The following CDC42BPB variants were observed in gnomAD, a reference collection of about 807,000 sequenced individuals.
CDC42BPB encodes the protein serine/threonine-protein kinase MRCK beta.
CDC42BPB carries 37 observed loss-of-function variants against 214.9 expected under a neutral mutation model. The ratio of observed to expected loss-of-function variants is 0.17; its 90% CI spans 0.13 to 0.23. The LOEUF (loss-of-function observed/expected upper bound fraction) is 0.23, where lower values mean the gene tolerates loss of function less well. Ranked by LOEUF, CDC42BPB falls within the 10% of genes least tolerant of loss-of-function variation. The probability of loss-of-function intolerance (pLI) is 1.00; values close to 1 mark genes in which losing one functional copy is unlikely to be tolerated. For synonymous variants in CDC42BPB, 931 were observed against 884.0 expected (o/e 1.05, Z -0.94); for missense variants, 1,694 against 2,227.0 (o/e 0.76, Z 4.82).
chr14:103,041,745 T>G lies in CDC42BPB; in HGVS notation c.175+15254A>C, dbSNP rs964076956. 81 of 528,982 alleles carry G rather than the reference T, an allele frequency of 1.5e-4. No individual in the cohort carries two copies. The African/African-American group carries it at 1.6e-3, about 10-fold the overall frequency. 32.8% of individuals were successfully genotyped at this position (528,982 alleles called of 1,614,324 possible). On this transcript the variant is annotated intron_variant, in intron 1 of 36. Transcript: ENST00000361246. ...TTCACAAGAAGGTGGCCCAGACCATTAGCATCTCTGTGGATCCAAGGAGGC... is the reference window on the plus strand; with the variant it reads ...TTCACAAGAAGGTGGCCCAGACCATGAGCATCTCTGTGGATCCAAGGAGGC...
chr14:103,031,412 C>A (rs190533548), intron 1 of CDC42BPB, among the ~76,000 whole-genome samples: 32 of 152,278 alleles, frequency 2.1e-4, no homozygotes, highest in Non-Finnish European at 4.0e-4. Flanking sequence ...ATCAATAAAA[C>A]TTTACGGCAA....
rs35992554 is a variant in CDC42BPB at position 103,029,551 on chromosome 14, A to G, written c.176-17363T>C. On this transcript the variant is annotated intron_variant, in intron 1 of 36. Transcript: ENST00000361246. ...GAGCAAGACTCTGTCTCAAAGGAAAAAAAAAAAAAAGAAATGCTAGATTGG... is the reference window on the plus strand; with the variant it reads ...GAGCAAGACTCTGTCTCAAAGGAAAGAAAAAAAAAAGAAATGCTAGATTGG... Among the ~76,000 whole-genome samples, 1,082 of 149,784 alleles carry G rather than the reference A, an allele frequency of 7.2e-3. 17 individuals are homozygous for G. The highest frequency in any genetic ancestry group is 0.025 in the African/African-American group (1,032 of 40,642).
intron 2 of CDC42BPB, among the ~76,000 whole-genome samples, chr14:103,009,320 C>T (rs1481127416): frequency 2.0e-5 from 3 of 152,338 alleles, no homozygotes; most frequent in South Asian, 4.1e-4. Context: ...ATTCACCAGG[C>T]ACATTCTGCG....
intron 36 of CDC42BPB, 63 bp downstream of exon 36, chr14:102,938,041 G>A (rs1566837562): frequency 9.0e-6 from 14 of 1,552,056 alleles, no homozygotes; most frequent in South Asian, 3.3e-5. Context: ...CCAGATCTTC[G>A]GGCTGCTTTT....
chr14:102,976,668 G>A (rs1399161513), intron 9 of CDC42BPB, among the ~76,000 whole-genome samples: 1 of 152,212 alleles, frequency 6.6e-6, no homozygotes, highest in Non-Finnish European at 1.5e-5. Flanking sequence ...TGACAATGAA[G>A]TCAGGGAAAT....
At chr14:103,002,031 GCAGT>G (rs1218755335) in intron 4 of CDC42BPB, among the ~76,000 whole-genome samples, 1 of 152,206 alleles carries the variant, frequency 6.6e-6, no homozygotes, top group Non-Finnish European at 1.5e-5. Flanking sequence ...GTTTTAGTTA[GCAGT>G]CAAACAGGTT....
At position 103,027,135 on chromosome 14, in the gene CDC42BPB, A is replaced by G. The variant is rs34471991; in HGVS notation, c.176-14947T>C. 4.6e-4 allele frequency among the ~76,000 whole-genome samples: 70 copies of G among 152,362 alleles called. 1 individual carries two copies. The East Asian group carries it at 0.01, about 22-fold the overall frequency. On this transcript the variant is annotated intron_variant, in intron 1 of 36. Coordinates refer to ENST00000361246, the MANE Select transcript of CDC42BPB (RefSeq NM_006035.4). ...GGAAATGCAAATCAAAACTGTAACC[A>G]GACCTCACTTCACACCCACTAGGGT...
chr14:102,976,363 T>G lies in CDC42BPB; in HGVS notation c.1221-314A>C, dbSNP rs150311860. 3 of 291,766 alleles carry G rather than the reference T, an allele frequency of 1.0e-5. No homozygotes were observed. The Admixed American group carries it at 1.9e-4, about 19-fold the overall frequency. 18.1% of individuals were successfully genotyped at this position (291,766 alleles called of 1,614,324 possible). On this transcript the variant is annotated intron_variant, in intron 9 of 36. Transcript: ENST00000361246. ...GCATGGATCCTGCGTAAAGCAAGGCTTAGGGGGCAGCCCCAGCTCGTCTGC... is the reference window on the plus strand; with the variant it reads ...GCATGGATCCTGCGTAAAGCAAGGCGTAGGGGGCAGCCCCAGCTCGTCTGC...
At chr14:102,975,451 A>C (rs890835250) in intron 11 of CDC42BPB, among the ~76,000 whole-genome samples, 4 of 152,184 alleles carry the variant, frequency 2.6e-5, no homozygotes, top group African/African-American at 9.6e-5. Context: ...TGAACCCAGG[A>C]GGTGGAGGTT....
At chr14:102,982,970 G>A (rs1372154210) in intron 7 of CDC42BPB, among the ~76,000 whole-genome samples, 3 of 152,082 alleles carry the variant, frequency 2.0e-5, no homozygotes, top group Non-Finnish European at 4.4e-5. Context: ...AAACAAAGGA[G>A]GTGGAGAGAG....
chr14:102,980,728 C>A, intron 8 of CDC42BPB, 45 bp downstream of exon 8: 1 of 1,598,014 alleles, frequency 6.3e-7, no homozygotes, highest in South Asian at 1.1e-5. Flanking sequence ...CACTGCATGT[C>A]AGACCCACAG....
intron 8 of CDC42BPB, among the ~76,000 whole-genome samples, chr14:102,979,216 G>GTT (rs749681734): frequency 1.6e-4 from 22 of 138,330 alleles, no homozygotes; most frequent in East Asian, 2.1e-4. Context: ...AACTTTTCTT[G>GTT]TTTTTTTTTT....
intron 17 of CDC42BPB, 107 bp from the exon 18 acceptor site, chr14:102,966,494 A>G: frequency 6.6e-7 from 1 of 1,518,670 alleles, no homozygotes; most frequent in Non-Finnish European, 8.9e-7. Flanking sequence ...ACACAGTGTC[A>G]CGTCAGCTAG....
At chr14:102,974,452 A>C (rs1893644934) in intron 11 of CDC42BPB, 1 of 770,706 alleles carries the variant, frequency 1.3e-6, no homozygotes, top group Non-Finnish European at 1.6e-6. Context: ...CAGTCCCTCT[A>C]ACCTGTGTCA....
chr14:103,008,283 C>T (rs1441827817), intron 3 of CDC42BPB, among the ~76,000 whole-genome samples, 189 bp downstream of exon 3: 3 of 152,188 alleles, frequency 2.0e-5, no homozygotes, highest in East Asian at 1.9e-4. Flanking sequence ...AGCAAGTGGT[C>T]GCTGAGGCGG....
chr14:103,010,083 C>G (rs147209148), intron 2 of CDC42BPB, among the ~76,000 whole-genome samples: 1 of 152,142 alleles, frequency 6.6e-6, no homozygotes, highest in African/African-American at 2.4e-5. Flanking sequence ...CCCAGGAGTT[C>G]AAGATCAGTC....
Position 102,946,543 on chromosome 14 carries a change from C to G in CDC42BPB, c.3673G>C (p.Val1225Leu). ...TAGGCTTCCAAGGGAACATGCACGACCTGATTCCTCAGCCGGTTTTTATGA... is the reference window on the plus strand; with the variant it reads ...TAGGCTTCCAAGGGAACATGCACGAGCTGATTCCTCAGCCGGTTTTTATGA... ...ILHKNRLRNQVVHVPLEAYDS... is the reference protein window; with the variant it reads ...ILHKNRLRNQLVHVPLEAYDS... Residue 1225 changes from valine (V) to leucine (L), a missense_variant, in exon 28 of 37, where the codon GTC becomes CTC. By Grantham distance (32) the Val-to-Leu change is conservative. Coordinates refer to ENST00000361246, the MANE Select transcript of CDC42BPB (RefSeq NM_006035.4). 6.2e-7 allele frequency: 1 copy of G among 1,612,824 alleles called. No individual in the cohort carries two copies. The highest frequency in any genetic ancestry group is 8.5e-7 in the Non-Finnish European group (1 of 1,179,986).
chr14:102,954,889 C>A, intron 21 of CDC42BPB: 1 of 831,574 alleles, frequency 1.2e-6, no homozygotes, highest in Non-Finnish European at 1.5e-6. Flanking sequence ...GCCCTGAGGA[C>A]CCCTGCACTT....
chr14:103,048,129 G>C (rs548474092), intron 1 of CDC42BPB, among the ~76,000 whole-genome samples: 1 of 152,304 alleles, frequency 6.6e-6, no homozygotes, highest in South Asian at 2.1e-4. Context: ...GGCCCAGGCT[G>C]AAACAGAAAA....
Sources: allele counts gnomAD v4.1 joint callset (sites outside exome capture counted in the v4.1 genomes callset), GRCh38; gene constraint gnomAD v4.1.1; transcripts MANE v1.5; gene names NCBI Gene and HGNC (gene_info 2026-07-23, HGNC 2026-07-21).